The following RFTN1 variants were observed in gnomAD, a reference collection of about 807,000 sequenced individuals.
RFTN1 encodes the protein raftlin, lipid raft linker 1.
Under a neutral mutation model 46.5 loss-of-function variants are expected in RFTN1, and 26 were observed. That is an observed-to-expected ratio of 0.56 (90% CI 0.41 to 0.78). The LOEUF is 0.78. Ranked by LOEUF, RFTN1 falls within the 30% of genes least tolerant of loss-of-function variation. The pLI, the probability that RFTN1 is intolerant of heterozygous loss-of-function variation, is 0.00. For synonymous variants in RFTN1, 261 were observed against 284.2 expected, an observed-to-expected ratio of 0.92 and a Z score of 0.82; for missense variants, 693 against 718.7, an observed-to-expected ratio of 0.96 and a Z score of 0.41.
chr3:16,465,188 G>A lies in RFTN1; in HGVS notation c.145+28537C>T, dbSNP rs879520482. On this transcript the variant is annotated intron_variant, in intron 2 of 9. Transcript: ENST00000334133. The surrounding 1 kb of genome is among the most constrained non-coding windows in gnomAD (Gnocchi z 5.1). ...TGGAAATCTGCTAAAACAAATAATG[G>A]AAGGCAACTATTCAAGGATGCCACT... 4.2e-4 allele frequency among the ~76,000 whole-genome samples: 64 copies of A among 150,778 alleles called. No individual in the cohort carries two copies. The highest frequency in any genetic ancestry group is 3.2e-3 in the Admixed American group (48 of 15,150).
chr3:16,421,025 A>C lies in RFTN1; in HGVS notation c.333-11542T>G. Among the ~76,000 whole-genome samples, 1 of 152,222 alleles carries C rather than the reference A, an allele frequency of 6.6e-6. No homozygotes were observed. The highest frequency in any genetic ancestry group is 1.9e-4 in the East Asian group (1 of 5,204). On this transcript the variant is annotated intron_variant, in intron 3 of 9. Coordinates refer to ENST00000334133, the MANE Select transcript of RFTN1 (RefSeq NM_015150.2). This position sits in a 1 kb window ranked among gnomAD's most constrained non-coding sequence, Gnocchi z 4.6. The stretch of plus-strand genomic sequence containing the variant: ...GTGTGTCTCAAATGCTGAGTGGATC[A>C]ATTGTCTCCAAATTTTTCTGATCAC...
rs148522250 is a variant in RFTN1, at chr3:16,452,158, G to A, written c.146-18121C>T. 7.9e-5 allele frequency among the ~76,000 whole-genome samples: 12 copies of A among 152,174 alleles called. No individual in the cohort carries two copies. The highest frequency in any genetic ancestry group is 2.6e-4 in the Admixed American group (4 of 15,286). On this transcript the variant is annotated intron_variant, in intron 2 of 9. Transcript: ENST00000334133. The surrounding 1 kb of genome is among the most constrained non-coding windows in gnomAD (Gnocchi z 6.3). ...TTTTCATTTCATATTTTGGAAACAC[G>A]GTTGACTATAGGTAACCAAAACCAC...
intron 2 of RFTN1, among the ~76,000 whole-genome samples, chr3:16,469,714 G>T (rs2076161422): frequency 6.6e-6 from 1 of 152,210 alleles, no homozygotes; most frequent in South Asian, 2.1e-4. Context: ...ACGGCCTTGG[G>T]CCCAGAGGAT....
chr3:16,495,026 G>A (rs938780885), intron 1 of RFTN1, among the ~76,000 whole-genome samples: 17 of 152,138 alleles, frequency 1.1e-4, no homozygotes, highest in East Asian at 3.8e-4. Flanking sequence ...GGCATGGGGC[G>A]GGTGGAGTGG....
chr3:16,421,641 C>T lies in RFTN1; in HGVS notation c.333-12158G>A, dbSNP rs774185991. Among the ~76,000 whole-genome samples the T allele has an allele frequency of 2.6e-5, 4 of 152,222 alleles. No homozygotes were observed. Among genetic ancestry groups the T allele is most frequent in the South Asian group, 4.1e-4 (2 of 4,822 alleles). On this transcript the variant is annotated intron_variant, in intron 3 of 9. Coordinates refer to ENST00000334133, the MANE Select transcript of RFTN1 (RefSeq NM_015150.2). This position sits in a 1 kb window ranked among gnomAD's most constrained non-coding sequence, Gnocchi z 4.6. ...CTGGGATTACAGGTGTGAGCCACCACGCCCAGCCCAACATTGGTGTTTTAA... is the reference window on the plus strand; with the variant it reads ...CTGGGATTACAGGTGTGAGCCACCATGCCCAGCCCAACATTGGTGTTTTAA...
chr3:16,333,260 C>G (rs1249659581), intron 7 of RFTN1, among the ~76,000 whole-genome samples: 2 of 152,200 alleles, frequency 1.3e-5, no homozygotes, highest in African/African-American at 2.4e-5. Context: ...AGGACACTTG[C>G]TTTTAGTATG....
rs562388719 is a variant in RFTN1, at chr3:16,370,242, G to T, written c.864C>A (p.Ser288Arg). 7 of 1,614,206 alleles carry T rather than the reference G, an allele frequency of 4.3e-6. No individual in the cohort carries two copies. The Admixed American group carries it at 1.2e-4, about 27-fold the overall frequency. ...GGTAGTATTGCCGGCACTTCTGATG[G>T]CTCTTCGGTTTGTTGAAAAGGGTGA... The part of the protein sequence containing the change: ...EIFTLFNKPK[S>R]HQKCRQYYPV... Residue 288 changes from serine (S) to arginine (R), a missense_variant, in exon 6 of 10, where the codon AGC becomes AGA. Coordinates refer to ENST00000334133, the MANE Select transcript of RFTN1 (RefSeq NM_015150.2). The surrounding 1 kb of genome is among the most constrained non-coding windows in gnomAD (Gnocchi z 5.5).
chr3:16,319,693 TCTG>T (rs918346401), intron 9 of RFTN1, among the ~76,000 whole-genome samples: 13 of 152,206 alleles, frequency 8.5e-5, no homozygotes, highest in African/African-American at 3.1e-4. Context: ...ATCTTGTTGA[TCTG>T]CTGATATAAT....
intron 4 of RFTN1, among the ~76,000 whole-genome samples, chr3:16,393,517 T>C (rs2074398143): frequency 6.6e-6 from 1 of 152,224 alleles, no homozygotes; most frequent in African/African-American, 2.4e-5. Context: ...GGAATTGCTC[T>C]GACATTTACA....
At position 16,316,951 on chromosome 3, in the gene RFTN1, A is replaced by G. The variant is rs948871874; in HGVS notation, c.1614T>C (p.Asn538=). ...GGGCCCTGCTGTGGCTGGCAGGACC[A>G]TTCTGCACAGCCTCACCCTCCACAC... The part of the protein sequence containing the change: ...GVGVEGEAVQ[N]GPASHSRALV... The change falls in exon 10 of 10, where the codon AAT becomes AAC. Residue 538 remains asparagine (N), a synonymous_variant. Coordinates refer to ENST00000334133, the MANE Select transcript of RFTN1 (RefSeq NM_015150.2). This position sits in a 1 kb window ranked among gnomAD's most constrained non-coding sequence, Gnocchi z 4.5. The G allele has an allele frequency of 1.2e-5, 19 of 1,613,836 alleles. No homozygotes were observed. The highest frequency in any genetic ancestry group is 1.5e-5 in the Non-Finnish European group (18 of 1,179,998).
Position 16,410,642 on chromosome 3 carries a change from A to C in RFTN1, c.333-1159T>G, listed in dbSNP as rs1174649184. 6.6e-6 allele frequency among the ~76,000 whole-genome samples: 1 copy of C among 152,200 alleles called. No individual in the cohort carries two copies. Among genetic ancestry groups the C allele is most frequent in the African/African-American group, 2.4e-5 (1 of 41,452 alleles). On this transcript the variant is annotated intron_variant, in intron 3 of 9. Transcript: ENST00000334133. This position sits in a 1 kb window ranked among gnomAD's most constrained non-coding sequence, Gnocchi z 4.6. ...CAACTAAAAGAAATTCTGGGAAAAC[A>C]GCGTGGGTGTAAACGGCTGTCTGAG...
intron 2 of RFTN1, among the ~76,000 whole-genome samples, chr3:16,482,474 C>T (rs1351374624): frequency 2.0e-5 from 3 of 152,152 alleles, no homozygotes; most frequent in African/African-American, 7.2e-5. Flanking sequence ...TGACCGATCA[C>T]AGCCAACCAA....
rs35485402 is a variant in RFTN1 at position 16,504,128 on chromosome 3, TA to T, written c.-9+9313del. Among the ~76,000 whole-genome samples, 50,441 of 149,912 alleles carry T rather than the reference TA, an allele frequency of 0.34. 8,569 individuals carry two copies. The highest frequency in any genetic ancestry group is 0.49 in the South Asian group (2,340 of 4,756). On this transcript the variant is annotated intron_variant, in intron 1 of 9. Transcript: ENST00000334133. The surrounding 1 kb of genome is among the most constrained non-coding windows in gnomAD (Gnocchi z 4.4). ...CATTTTTTAATGGCATGCCCTAGAC[TA>T]AAAAAAAAATACCCAATAGTTCGTT...
At chr3:16,431,441 T>C (rs2075385124) in intron 3 of RFTN1, among the ~76,000 whole-genome samples, 1 of 151,574 alleles carries the variant, frequency 6.6e-6, no homozygotes, top group South Asian at 2.1e-4. Context: ...TCTTTAACCA[T>C]ATCCCCAGGA....
chr3:16,433,925 C>A lies in RFTN1; in HGVS notation c.258G>T (p.Val86=). The part of the protein sequence containing the change: ...GFSLAALHPF[V]QPTHEREKTP... ...TCTTCTCCCGCTCATGGGTGGGCTG[C>A]ACGAAGGGGTGCAGGGCCGCCAGCG... is the stretch of plus-strand genomic sequence containing the variant. The change falls in exon 3 of 10, where the codon GTG becomes GTT. Residue 86 remains valine, a synonymous_variant. Coordinates refer to ENST00000334133, the MANE Select transcript of RFTN1 (RefSeq NM_015150.2). The surrounding 1 kb of genome is among the most constrained non-coding windows in gnomAD (Gnocchi z 4.4). 1 of 1,614,182 alleles carries A rather than the reference C, an allele frequency of 6.2e-7. No homozygotes were observed. The highest frequency in any genetic ancestry group is 8.5e-7 in the Non-Finnish European group (1 of 1,180,028).
chr3:16,409,336 C>A, intron 4 of RFTN1, 39 bp downstream of exon 4: 1 of 1,405,798 alleles, frequency 7.1e-7, no homozygotes, highest in Non-Finnish European at 1.0e-6. Context: ...GGGGAACACT[C>A]GCAAACCTCT....
At chr3:16,340,304 T>G (rs1158191164) in intron 7 of RFTN1, among the ~76,000 whole-genome samples, 1 of 152,246 alleles carries the variant, frequency 6.6e-6, no homozygotes, top group East Asian at 1.9e-4. Context: ...CTTGCCCACT[T>G]GCTGCTTTTG....
At position 16,504,264 on chromosome 3, in the gene RFTN1, A is replaced by G. The variant is rs2076763744; in HGVS notation, c.-9+9178T>C. On this transcript the variant is annotated intron_variant, in intron 1 of 9. Coordinates refer to ENST00000334133, the MANE Select transcript of RFTN1 (RefSeq NM_015150.2). This position sits in a 1 kb window ranked among gnomAD's most constrained non-coding sequence, Gnocchi z 4.4. Reference sequence around the variant, plus strand: ...TGAAAGAAGAAATATTTTTTCTTTCATTCTTAACTAACCACAATTACTTGC... The same window carrying G: ...TGAAAGAAGAAATATTTTTTCTTTCGTTCTTAACTAACCACAATTACTTGC... 6.6e-6 allele frequency among the ~76,000 whole-genome samples: 1 copy of G among 152,206 alleles called. No homozygotes were observed. Among genetic ancestry groups the G allele is most frequent in the Non-Finnish European group, 1.5e-5 (1 of 68,036 alleles).
In RFTN1 at chr3:16,377,828, G is replaced by T. The variant is rs1040033561; in HGVS notation, c.716C>A (p.Ser239Ter). The part of the protein sequence containing the change: ...GEVPLAKQPS[S>*]PSGEGDGGEL... ...TCCACCATCTCCCTCTCCGGAGGGT[G>T]AGCTGGGCTGCTTGGCGAGGGGCAC... Residue 239 changes from serine (S) to a stop codon, truncating the protein, a stop_gained, in exon 5 of 10, where the codon TCA becomes TAA. Coordinates refer to ENST00000334133, the MANE Select transcript of RFTN1 (RefSeq NM_015150.2). LOFTEE classifies it high-confidence loss of function. The T allele has an allele frequency of 6.2e-7, 1 of 1,614,044 alleles. No individual in the cohort carries two copies. Among genetic ancestry groups the T allele is most frequent in the Non-Finnish European group, 8.5e-7 (1 of 1,179,994 alleles).
Sources: allele counts gnomAD v4.1 joint callset (sites outside exome capture counted in the v4.1 genomes callset), GRCh38; gene constraint gnomAD v4.1.1; non-coding constraint Gnocchi (gnomAD v3.1); transcripts MANE v1.5; gene names NCBI Gene and HGNC (gene_info 2026-07-23, HGNC 2026-07-21).